ANO6: variants seen among roughly 807,000 people sequenced by gnomAD.
The protein encoded by ANO6 is anoctamin-6.
A neutral mutation model predicts 117.5 loss-of-function variants in ANO6; 106 were observed. The ratio of observed to expected loss-of-function variants is 0.90; its 90% CI spans 0.77 to 1.06. The LOEUF (loss-of-function observed/expected upper bound fraction) is 1.06, where lower values mean the gene tolerates loss of function less well. Among genes scored for constraint, ANO6 ranks in the 50% least tolerant of loss-of-function variants. The pLI is 0.00. For synonymous variants in ANO6, 367 were observed against 385.1 expected (o/e 0.95, Z 0.55); for missense variants, 955 against 1,121.1 (o/e 0.85, Z 2.12).
chr12:45,425,307 G>A (rs541907111), intron 19 of ANO6, among the ~76,000 whole-genome samples: 11 of 152,212 alleles, frequency 7.2e-5, no homozygotes, highest in African/African-American at 2.2e-4. Flanking sequence ...ATATGAAAGA[G>A]ATGTTAAGTG....
At chr12:45,236,908 A>G (rs1947654573) in intron 1 of ANO6, among the ~76,000 whole-genome samples, 1 of 152,092 alleles carries the variant, frequency 6.6e-6, no homozygotes, top group Non-Finnish European at 1.5e-5. Context: ...CTGACTTTTT[A>G]ATGATCGCCA....
chr12:45,387,510 A>G (rs1047013394), intron 10 of ANO6, among the ~76,000 whole-genome samples: 1 of 152,202 alleles, frequency 6.6e-6, no homozygotes, highest in African/African-American at 2.4e-5. Context: ...TTAGTTGGCA[A>G]TAAGGTGCTG....
rs373473706 is a variant in ANO6 at position 45,388,316 on chromosome 12, G to A, written c.1308+13G>A. The A allele has an allele frequency of 2.2e-5, 35 of 1,613,482 alleles. 1 individual carries two copies. The African/African-American group carries it at 3.2e-4, about 15-fold the overall frequency. ...TGAGATTACTCAGGTAAGCAGGGTC[G>A]TATTTAGGTGCAGTTTAATCTACTT... On this transcript the variant is annotated intron_variant, in intron 11 of 19. Transcript: ENST00000320560.
chr12:45,261,194 T>C (rs1267171913), intron 1 of ANO6, among the ~76,000 whole-genome samples: 1 of 152,194 alleles, frequency 6.6e-6, no homozygotes, highest in Non-Finnish European at 1.5e-5. Context: ...GAGAATATTT[T>C]CCAGTTATTG....
At chr12:45,381,830 T>C (rs1301259587) in intron 10 of ANO6, among the ~76,000 whole-genome samples, 1 of 152,134 alleles carries the variant, frequency 6.6e-6, no homozygotes, top group East Asian at 1.9e-4. Flanking sequence ...TCTTCCCTTA[T>C]AGCACCGACT....
At chr12:45,275,970 G>A (rs7138247) in intron 1 of ANO6, among the ~76,000 whole-genome samples, 127,248 of 152,042 alleles carry the variant, frequency 0.84, 54,493 homozygotes, top group Non-Finnish European at 0.94. Context: ...AGTTCTAGAC[G>A]CCGTACCCTC....
chr12:45,253,832 A>G (rs1937711532), intron 1 of ANO6, among the ~76,000 whole-genome samples: 2 of 152,204 alleles, frequency 1.3e-5, no homozygotes, highest in South Asian at 4.1e-4. Flanking sequence ...TTAGGTTTGC[A>G]AAAGCTCCTC....
At chr12:45,347,920 C>A in intron 4 of ANO6, 108 bp from the exon 5 acceptor site, 1 of 1,047,244 alleles carries the variant, frequency 9.5e-7, no homozygotes, top group South Asian at 1.4e-5. Context: ...TAGTGGTGGT[C>A]TCTGTATTGT....
intron 2 of ANO6, among the ~76,000 whole-genome samples, chr12:45,327,241 G>GA (rs1491555211): frequency 6.6e-5 from 10 of 152,082 alleles, no homozygotes; most frequent in African/African-American, 2.4e-4. Flanking sequence ...AGGTGTACAT[G>GA]AAAAAAACAA....
At chr12:45,260,830 C>G (rs892497068) in intron 1 of ANO6, among the ~76,000 whole-genome samples, 1 of 151,934 alleles carries the variant, frequency 6.6e-6, no homozygotes, top group Non-Finnish European at 1.5e-5. Context: ...CTCTGTCACC[C>G]AGGCTGGAGT....
chr12:45,295,527 G>T (rs1939260225), intron 1 of ANO6, among the ~76,000 whole-genome samples: 1 of 152,062 alleles, frequency 6.6e-6, no homozygotes, highest in Non-Finnish European at 1.5e-5. Flanking sequence ...CCTGTATGTG[G>T]CTGCTTTTAC....
At chr12:45,285,278 T>C (rs1315472734) in intron 1 of ANO6, among the ~76,000 whole-genome samples, 2 of 152,014 alleles carry the variant, frequency 1.3e-5, no homozygotes, top group Non-Finnish European at 2.9e-5. Flanking sequence ...CTGAGGAGAG[T>C]AGTAGGAAGT....
intron 7 of ANO6, among the ~76,000 whole-genome samples, chr12:45,351,112 C>T (rs985556024): frequency 6.6e-6 from 1 of 152,184 alleles, no homozygotes; most frequent in African/African-American, 2.4e-5. Flanking sequence ...CCATGAGCCA[C>T]TTCACTGGCA....
chr12:45,253,253 A>G (rs1937690107), intron 1 of ANO6, among the ~76,000 whole-genome samples: 1 of 152,228 alleles, frequency 6.6e-6, no homozygotes, highest in Non-Finnish European at 1.5e-5. Context: ...TACAGAGAAA[A>G]TGACAGCACC....
At chr12:45,402,071 C>T in intron 13 of ANO6, 51 bp downstream of exon 13, 4 of 1,479,448 alleles carry the variant, frequency 2.7e-6, no homozygotes, top group Non-Finnish European at 3.8e-6. Context: ...TTAGAACCTG[C>T]CAAAAATAGA....
In ANO6 at chr12:45,263,510, C is replaced by T. The variant is rs1938115926; in HGVS notation, c.71-38504C>T. Among the ~76,000 whole-genome samples the T allele has an allele frequency of 3.3e-5, 5 of 151,826 alleles. No homozygotes were observed. In the South Asian group the frequency reaches 8.3e-4, roughly 25 times the overall value. On this transcript the variant is annotated intron_variant, in intron 1 of 19. Transcript: ENST00000320560. Reference sequence around the variant, plus strand: ...CACAGTCGTGAGCTGCCCTGCCTGTCCTAAAATGTCCTTTTAGGACACTAA... The same window carrying T: ...CACAGTCGTGAGCTGCCCTGCCTGTTCTAAAATGTCCTTTTAGGACACTAA...
At chr12:45,297,261 A>C (rs1235117632) in intron 1 of ANO6, among the ~76,000 whole-genome samples, 1 of 152,196 alleles carries the variant, frequency 6.6e-6, no homozygotes, top group Admixed American at 6.5e-5. Flanking sequence ...ACCACCTGCC[A>C]TGCTAGTGCT....
intron 9 of ANO6, among the ~76,000 whole-genome samples, chr12:45,369,982 A>AT (rs1030717269): frequency 6.6e-6 from 1 of 152,234 alleles, no homozygotes; most frequent in African/African-American, 2.4e-5. Flanking sequence ...ACAAATTCTC[A>AT]TTTTTTTCCC....
At chr12:45,285,013 A>G (rs914682145) in intron 1 of ANO6, among the ~76,000 whole-genome samples, 8 of 152,258 alleles carry the variant, frequency 5.3e-5, no homozygotes, top group African/African-American at 1.9e-4. Context: ...AATCTCTAAG[A>G]TGATTTAGCT....
Sources: allele counts gnomAD v4.1 joint callset (sites outside exome capture counted in the v4.1 genomes callset), GRCh38; gene constraint gnomAD v4.1.1; transcripts MANE v1.5; gene names NCBI Gene and HGNC (gene_info 2026-07-23, HGNC 2026-07-21).